COMT: variants seen among roughly 807,000 people sequenced by gnomAD.
COMT encodes the protein catechol-O-methyltransferase.
A neutral mutation model predicts 18.9 loss-of-function variants in COMT; 13 were observed. The observed-to-expected ratio is 0.69, with a 90% CI of 0.45 to 1.09. The LOEUF (loss-of-function observed/expected upper bound fraction) is 1.09, where lower values mean the gene tolerates loss of function less well. Among genes scored for constraint, COMT ranks in the 50% least tolerant of loss-of-function variants. The probability of loss-of-function intolerance (pLI) is 0.00; values close to 1 mark genes in which losing one functional copy is unlikely to be tolerated. For synonymous variants in COMT, 150 were observed against 160.9 expected (o/e 0.93, Z 0.51); for missense variants, 329 against 361.8 (o/e 0.91, Z 0.73).
At chr22:19,961,043 G>A (rs1023139517) in intron 1 of COMT, among the ~76,000 whole-genome samples, 156 bp from the exon 2 acceptor site, 1 of 152,236 alleles carries the variant, frequency 6.6e-6, no homozygotes, top group Non-Finnish European at 1.5e-5. Context: ...TGTCTCTTCT[G>A]AGGCCGGAAA....
chr22:19,944,512 A>ACAGC (rs1338197670), intron 1 of COMT, among the ~76,000 whole-genome samples: 1 of 150,462 alleles, frequency 6.6e-6, no homozygotes, highest in African/African-American at 2.5e-5. Flanking sequence ...CCTGGGCAAC[A>ACAGC]AGAGCGAAAC....
intron 5 of COMT, chr22:19,967,667 T>C (rs1369506700): frequency 1.0e-5 from 3 of 299,892 alleles, no homozygotes; most frequent in Admixed American, 4.8e-5. Flanking sequence ...TGCCTGCAAA[T>C]TGATTTTATT....
chr22:19,957,094 G>T lies in COMT; in HGVS notation c.-91-4105G>T, dbSNP rs544306540. On this transcript the variant is annotated intron_variant, in intron 1 of 5. Transcript: ENST00000361682. ...GCCTCCCGAGTAGCTGGGACTACAG[G>T]TGCCTGCCACCACACCCGGCCAATT... Among the ~76,000 whole-genome samples, 16 of 152,046 alleles carry T rather than the reference G, an allele frequency of 1.1e-4. No homozygotes were observed. In the East Asian group the frequency reaches 2.9e-3, roughly 28 times the overall value.
chr22:19,941,784 G>C lies in COMT; in HGVS notation c.-205G>C. 5 of 1,528,418 alleles carry C rather than the reference G, an allele frequency of 3.3e-6. No homozygotes were observed. Among genetic ancestry groups the C allele is most frequent in the Non-Finnish European group, 4.4e-6 (5 of 1,148,078 alleles). 94.7% of individuals were successfully genotyped at this position (1,528,418 alleles called of 1,614,324 possible). On this transcript the variant is annotated 5_prime_UTR_variant, in exon 1 of 6. Coordinates refer to ENST00000361682, the MANE Select transcript of COMT (RefSeq NM_000754.4). ...GAAGCGCCCTCCTAATCCCCGCAGC[G>C]CCACCGCCATTGCCGCCATCGTCGT...
intron 5 of COMT, chr22:19,967,367 G>A (rs776764330): frequency 3.7e-5 from 19 of 507,744 alleles, no homozygotes; most frequent in African/African-American, 1.6e-4. Context: ...TTTGTTCTAC[G>A]TCTTTTCAGC....
intron 1 of COMT, among the ~76,000 whole-genome samples, chr22:19,950,254 T>C: frequency 7.2e-6 from 1 of 139,364 alleles, no homozygotes; most frequent in African/African-American, 2.5e-5. Flanking sequence ...TTTTTTTTTT[T>C]TTTTTTTTTC....
At chr22:19,948,809 G>C (rs1384275148) in intron 1 of COMT, among the ~76,000 whole-genome samples, 2 of 152,038 alleles carry the variant, frequency 1.3e-5, no homozygotes, top group African/African-American at 4.8e-5. Flanking sequence ...ACAAAAATTA[G>C]CTGGGCGTGG....
At chr22:19,959,753 C>T (rs1021324625) in intron 1 of COMT, among the ~76,000 whole-genome samples, 2 of 151,988 alleles carry the variant, frequency 1.3e-5, no homozygotes, top group African/African-American at 4.8e-5. Flanking sequence ...TGCATTGTGG[C>T]CTGGGCGTGT....
chr22:19,956,858 G>A (rs979368547), intron 1 of COMT, among the ~76,000 whole-genome samples: 4 of 152,024 alleles, frequency 2.6e-5, no homozygotes, highest in Non-Finnish European at 4.4e-5. Flanking sequence ...TTACAGGTGT[G>A]GCCACTGTTC....
rs763187081 is a variant in COMT, at chr22:19,963,560, G to C, written c.290-6G>C. ...TCACCTCTCCTCCGTCCCCAACCCTGCACAGGCAAGATCGTGGACGCCGTG... is the reference window on the plus strand; with the variant it reads ...TCACCTCTCCTCCGTCCCCAACCCTCCACAGGCAAGATCGTGGACGCCGTG... On this transcript the variant is annotated splice_polypyrimidine_tract_variant and splice_region_variant and intron_variant, in intron 3 of 5. Coordinates refer to ENST00000361682, the MANE Select transcript of COMT (RefSeq NM_000754.4). 6 of 1,611,480 alleles carry C rather than the reference G, an allele frequency of 3.7e-6. No homozygotes were observed. In the South Asian group the frequency reaches 6.6e-5, roughly 18 times the overall value.
intron 1 of COMT, among the ~76,000 whole-genome samples, chr22:19,960,709 C>T (rs1601524560): frequency 6.6e-6 from 1 of 152,212 alleles, no homozygotes; most frequent in Non-Finnish European, 1.5e-5. Context: ...ATCACCTGCT[C>T]GGGGCTCTGG....
chr22:19,945,791 G>A (rs9332323), intron 1 of COMT, among the ~76,000 whole-genome samples: 15 of 152,040 alleles, frequency 9.9e-5, no homozygotes, highest in Admixed American at 5.9e-4. Flanking sequence ...TCAGCCTCCC[G>A]AGTAGCTGGG....
At chr22:19,963,353 C>G in intron 3 of COMT, 1 of 615,674 alleles carries the variant, frequency 1.6e-6, no homozygotes, top group Non-Finnish European at 2.9e-6. Context: ...GCTCCAAGCG[C>G]GCTCACAGTG....
chr22:19,967,694 A>C (rs1942494803), intron 5 of COMT: 1 of 265,770 alleles, frequency 3.8e-6, no homozygotes, highest in Non-Finnish European at 7.4e-6. Flanking sequence ...TAGATGTTTG[A>C]GATTGCTTGT....
chr22:19,959,092 G>C (rs532354880), intron 1 of COMT, among the ~76,000 whole-genome samples: 2 of 152,204 alleles, frequency 1.3e-5, no homozygotes, highest in South Asian at 4.1e-4. Flanking sequence ...AGGGGGTCCC[G>C]AGTCGGACAC....
chr22:19,967,257 T>G, intron 5 of COMT: 2 of 1,280,550 alleles, frequency 1.6e-6, no homozygotes, highest in Non-Finnish European at 2.1e-6. Flanking sequence ...ACCCGAGAAG[T>G]CCAGGAGCCC....
At chr22:19,949,331 G>T (rs770153263) in intron 1 of COMT, among the ~76,000 whole-genome samples, 1 of 152,150 alleles carries the variant, frequency 6.6e-6, no homozygotes, top group Non-Finnish European at 1.5e-5. Context: ...TATAGAAACA[G>T]GGTTTCATCA....
rs1243347237 is a variant in COMT at position 19,968,624 on chromosome 22, G to A, written c.704G>A (p.Gly235Glu). 1.2e-6 allele frequency: 2 copies of A among 1,614,080 alleles called. No individual in the cohort carries two copies. Among genetic ancestry groups the A allele is most frequent in the Non-Finnish European group, 8.5e-7 (1 of 1,180,014 alleles). Residue 235 changes from glycine (G) to glutamate (E), a missense_variant, in exon 6 of 6, where the codon GGG becomes GAG. Coordinates refer to ENST00000361682, the MANE Select transcript of COMT (RefSeq NM_000754.4). ...GAPDFLAHVR[G>E]SSCFECTHYQ... ...CCAGACTTCCTAGCACACGTGCGCGGGAGCAGCTGCTTTGAGTGCACACAC... is the reference window on the plus strand; with the variant it reads ...CCAGACTTCCTAGCACACGTGCGCGAGAGCAGCTGCTTTGAGTGCACACAC...
rs550545168 is a variant in COMT, at chr22:19,968,903, G to C, written c.*167G>C. 6.3e-6 allele frequency: 4 copies of C among 638,780 alleles called. No homozygotes were observed. In the South Asian group the frequency reaches 7.2e-5, roughly 12 times the overall value. 39.6% of individuals were successfully genotyped at this position (638,780 alleles called of 1,614,324 possible). On this transcript the variant is annotated 3_prime_UTR_variant, in exon 6 of 6. Coordinates refer to ENST00000361682, the MANE Select transcript of COMT (RefSeq NM_000754.4). ...CTAACCTCTCTGAACTGCAACACTGGATTGTTCTTTTTTAAGACTCAATCA... is the reference window on the plus strand; with the variant it reads ...CTAACCTCTCTGAACTGCAACACTGCATTGTTCTTTTTTAAGACTCAATCA...
Sources: gnomAD v4.1 joint callset for allele counts (sites outside exome capture counted in the v4.1 genomes callset) on GRCh38, gnomAD v4.1.1 for gene constraint, MANE v1.5 for transcripts, NCBI Gene and HGNC (gene_info 2026-07-23, HGNC 2026-07-21) for gene names.